CNGB3: variants seen among roughly 807,000 people sequenced by gnomAD.
The protein encoded by CNGB3 is cyclic nucleotide-gated channel beta-3.
A neutral mutation model predicts 92.8 loss-of-function variants in CNGB3; 86 were observed. The observed-to-expected ratio is 0.93, with a 90% CI of 0.78 to 1.11. The LOEUF is 1.11. CNGB3 is among the 50% of genes least tolerant of loss of function. CNGB3 has a pLI of 0.00. For synonymous variants in CNGB3, 333 were observed against 332.7 expected (o/e 1.00, Z -0.01); for missense variants, 1,026 against 956.8 (o/e 1.07, Z -0.95).
chr8:86,659,898 G>T, intron 6 of CNGB3: 2 of 407,100 alleles, frequency 4.9e-6, no homozygotes, highest in South Asian at 2.1e-5. Flanking sequence ...ATTGACAAAG[G>T]ATGTAGACTC....
intron 3 of CNGB3, among the ~76,000 whole-genome samples, chr8:86,720,388 A>G (rs1824943342): frequency 6.6e-6 from 1 of 152,232 alleles, no homozygotes; most frequent in Non-Finnish European, 1.5e-5. Flanking sequence ...GCCAACAAGC[A>G]TATGGAAAAA....
chr8:86,724,915 G>A (rs1318106078), intron 3 of CNGB3, among the ~76,000 whole-genome samples: 2 of 152,038 alleles, frequency 1.3e-5, no homozygotes, highest in Non-Finnish European at 2.9e-5. Flanking sequence ...GTTGGGAGAG[G>A]ACAAAGTAAA....
At chr8:86,688,803 T>G (rs1824240304) in intron 3 of CNGB3, among the ~76,000 whole-genome samples, 1 of 152,022 alleles carries the variant, frequency 6.6e-6, no homozygotes, top group African/African-American at 2.4e-5. Context: ...TTCTATTTCA[T>G]TTATTTCTGC....
At chr8:86,742,705 T>G (rs1257179583) in intron 1 of CNGB3, among the ~76,000 whole-genome samples, 1 of 152,206 alleles carries the variant, frequency 6.6e-6, no homozygotes, top group Non-Finnish European at 1.5e-5. Context: ...ATATTGCTCT[T>G]GTAATGATCA....
chr8:86,734,540 C>T (rs997856589), intron 2 of CNGB3, among the ~76,000 whole-genome samples: 9 of 152,266 alleles, frequency 5.9e-5, no homozygotes, highest in East Asian at 3.9e-4. Context: ...ATGTCTACCA[C>T]GTGGTTGGTT....
At chr8:86,693,881 A>G (rs1310273439) in intron 3 of CNGB3, among the ~76,000 whole-genome samples, 5 of 152,074 alleles carry the variant, frequency 3.3e-5, no homozygotes, top group African/African-American at 1.2e-4. Context: ...CGACCTCTCA[A>G]TCTTTTCCCC....
intron 5 of CNGB3, 140 bp downstream of exon 5, chr8:86,667,879 G>C: frequency 1.1e-6 from 1 of 940,270 alleles, no homozygotes; most frequent in Non-Finnish European, 1.7e-6. Flanking sequence ...TCCTTTGCAG[G>C]TTATTTAATT....
chr8:86,696,389 G>A (rs1824451119), intron 3 of CNGB3, among the ~76,000 whole-genome samples: 1 of 152,110 alleles, frequency 6.6e-6, no homozygotes, highest in South Asian at 2.1e-4. Context: ...TGATGAGTGG[G>A]GCCATAGAGA....
intron 13 of CNGB3, among the ~76,000 whole-genome samples, chr8:86,620,653 C>T (rs999066066): frequency 4.6e-5 from 7 of 152,264 alleles, no homozygotes; most frequent in African/African-American, 1.7e-4. Flanking sequence ...ACACCTGGAC[C>T]ATTCCCTCCT....
rs144292331 is a variant in CNGB3 at position 86,584,184 on chromosome 8, T to C, written c.1782-4932A>G. 2.2e-3 allele frequency among the ~76,000 whole-genome samples: 338 copies of C among 152,294 alleles called. 3 individuals carry two copies. Among genetic ancestry groups the C allele is most frequent in the Middle Eastern group, 3.4e-3 (1 of 294 alleles). The stretch of plus-strand genomic sequence containing the variant: ...TCTGTTGTCACAACCATATCTTCAC[T>C]CATTCATCTACTCAGCTTTCTTCTA... On this transcript the variant is annotated intron_variant, in intron 15 of 17. Coordinates refer to ENST00000320005, the MANE Select transcript of CNGB3 (RefSeq NM_019098.5).
intron 13 of CNGB3, among the ~76,000 whole-genome samples, chr8:86,619,030 T>A (rs1426585328): frequency 1.3e-5 from 2 of 152,242 alleles, no homozygotes; most frequent in African/African-American, 4.8e-5. Context: ...CCTGTTGGGA[T>A]GGGTTCTGCA....
intron 6 of CNGB3, among the ~76,000 whole-genome samples, chr8:86,654,813 C>T (rs1363791258): frequency 6.6e-6 from 1 of 152,140 alleles, no homozygotes; most frequent in African/African-American, 2.4e-5. Flanking sequence ...AGTCAACATT[C>T]CCCAGGATTT....
In CNGB3 at chr8:86,578,722, T is replaced by C; in HGVS notation, c.2070A>G (p.Arg690=). 4.3e-6 allele frequency: 7 copies of C among 1,614,164 alleles called. No individual in the cohort carries two copies. The highest frequency in any genetic ancestry group is 5.9e-6 in the Non-Finnish European group (7 of 1,180,034). ...LGGTGKASLA[R]LLKLKREQAA... is the part of the protein sequence containing the mutation. The stretch of plus-strand genomic sequence containing the variant: ...CTTGCTCTCGCTTCAATTTGAGTAG[T>C]CTTGCAAGACTTGCTTTTCCTGTGC... Residue 690 remains arginine (R), a synonymous_variant, in exon 17 of 18, where the codon AGA becomes AGG. Transcript: ENST00000320005.
intron 3 of CNGB3, among the ~76,000 whole-genome samples, chr8:86,723,563 T>C (rs1013056524): frequency 6.6e-6 from 1 of 152,176 alleles, no homozygotes; most frequent in African/African-American, 2.4e-5. Flanking sequence ...ATTCTAGATA[T>C]GGTAACTGTT....
chr8:86,644,671 C>T lies in CNGB3; in HGVS notation c.1006G>A (p.Glu336Lys), dbSNP rs373862340. 3.2e-6 allele frequency: 5 copies of T among 1,583,540 alleles called. No homozygotes were observed. The highest frequency in any genetic ancestry group is 4.3e-6 in the Non-Finnish European group (5 of 1,162,576). Reference protein sequence around the residue: ...NRMLKYTSFFEFNHHLESIMD... With the variant: ...NRMLKYTSFFKFNHHLESIMD... Reference sequence around the variant, plus strand: ...ATAGACTCTAGGTGATGATTAAATTCAAAAAATGAAGTGTACTATATAGAA... The same window carrying T: ...ATAGACTCTAGGTGATGATTAAATTTAAAAAATGAAGTGTACTATATAGAA... The change falls in exon 9 of 18, where the codon GAA (glutamate) becomes AAA (lysine). Residue 336 changes from glutamate to lysine, a missense_variant. Glu to Lys is a moderately conservative substitution (Grantham distance 56). Transcript: ENST00000320005.
chr8:86,576,386 C>T (rs1453287445), intron 17 of CNGB3, among the ~76,000 whole-genome samples: 1 of 152,172 alleles, frequency 6.6e-6, no homozygotes, highest in African/African-American at 2.4e-5. Context: ...GAATTCTCTT[C>T]CTATTGGTCC....
intron 3 of CNGB3, among the ~76,000 whole-genome samples, chr8:86,684,596 A>G (rs934025874): frequency 1.3e-5 from 2 of 150,678 alleles, no homozygotes; most frequent in Non-Finnish European, 3.0e-5. Context: ...AGTAACCTGG[A>G]TGTCTTTCAA....
At chr8:86,698,142 G>A (rs533221016) in intron 3 of CNGB3, among the ~76,000 whole-genome samples, 12 of 152,250 alleles carry the variant, frequency 7.9e-5, no homozygotes, top group African/African-American at 2.9e-4. Context: ...CTGTGTGACC[G>A]ATAGTTTCCA....
At chr8:86,739,526 A>G (rs1344751689) in intron 2 of CNGB3, 129 bp downstream of exon 2, 3 of 1,414,830 alleles carry the variant, frequency 2.1e-6, no homozygotes, top group Non-Finnish European at 2.8e-6. Flanking sequence ...CAGATCTTCA[A>G]ATAACCTCAG....
Sources: allele counts gnomAD v4.1 joint callset (sites outside exome capture counted in the v4.1 genomes callset), GRCh38; gene constraint gnomAD v4.1.1; transcripts MANE v1.5; gene names NCBI Gene and HGNC (gene_info 2026-07-23, HGNC 2026-07-21).